Variants in TRMT1L observed in about 807,000 individuals in gnomAD.
TRMT1L encodes tRNA methyltransferase 1L.
A neutral mutation model predicts 81.6 loss-of-function variants in TRMT1L; 28 were observed. That is an observed-to-expected ratio of 0.34 (90% CI 0.25 to 0.47). TRMT1L has a LOEUF of 0.47. TRMT1L is among the 20% of genes least tolerant of loss of function. TRMT1L has a pLI of 1.00. For synonymous variants in TRMT1L, 301 were observed against 303.2 expected (o/e 0.99, Z 0.07); for missense variants, 739 against 877.1 (o/e 0.84, Z 1.99).
At chr1:185,154,262 T>C (rs1002926233) in intron 1 of TRMT1L, among the ~76,000 whole-genome samples, 1 of 152,178 alleles carries the variant, frequency 6.6e-6, no homozygotes, top group African/African-American at 2.4e-5. Flanking sequence ...GGCTCAATCA[T>C]AGCTCACTGC....
intron 12 of TRMT1L, among the ~76,000 whole-genome samples, chr1:185,124,559 C>T (rs1259867362): frequency 7.3e-5 from 11 of 151,702 alleles, no homozygotes; most frequent in Admixed American, 3.3e-4. Flanking sequence ...GTGTGGTGTG[C>T]ATGCTTGTGG....
At position 185,139,435 on chromosome 1, in the gene TRMT1L, T is replaced by C. The variant is rs952402590; in HGVS notation, c.1254A>G (p.Gly418=). 1 of 1,614,162 alleles carries C rather than the reference T, an allele frequency of 6.2e-7. No individual in the cohort carries two copies. Among genetic ancestry groups the C allele is most frequent in the African/African-American group, 1.3e-5 (1 of 75,068 alleles). The change falls in exon 9 of 15, where the codon GGA becomes GGG. Residue 418 remains glycine (G), a synonymous_variant. Coordinates refer to ENST00000367506, the MANE Select transcript of TRMT1L (RefSeq NM_030934.5). ...AATATTCAGTTCGGACAATGTTACA[T>C]CCGTAGTGACGCCGGGCAACATGCT... The part of the protein sequence containing the change: ...KAQHVARRHY[G]CNIVRTEYYK...
intron 2 of TRMT1L, among the ~76,000 whole-genome samples, chr1:185,151,376 A>C (rs1653341493): frequency 6.6e-6 from 1 of 152,210 alleles, no homozygotes. Context: ...AAAACCACGC[A>C]GTCAGCGATC....
Position 185,140,035 on chromosome 1 carries a change from A to G in TRMT1L, c.1047T>C (p.Gly349=), listed in dbSNP as rs1365139028. The G allele has an allele frequency of 6.2e-7, 1 of 1,613,774 alleles. No homozygotes were observed. Among genetic ancestry groups the G allele is most frequent in the Non-Finnish European group, 8.5e-7 (1 of 1,179,818 alleles). ...CATCCATTTTGGTCACCTTAATATT[A>G]CCAAGATTTTTCTCTCCTTCTTCAA... The part of the protein sequence containing the change: ...DILEEGEKNL[G]NIKVTKMDAN... Residue 349 remains glycine, a synonymous_variant, in exon 8 of 15, where the codon GGT becomes GGC. Transcript: ENST00000367506.
chr1:185,127,529 G>A (rs1652659791), intron 11 of TRMT1L, among the ~76,000 whole-genome samples: 1 of 151,928 alleles, frequency 6.6e-6, no homozygotes, highest in Admixed American at 6.6e-5. Flanking sequence ...AGGCCGAGGC[G>A]GGTGGATCAC....
intron 10 of TRMT1L, 89 bp downstream of exon 10, chr1:185,137,517 A>T: frequency 7.5e-7 from 1 of 1,326,914 alleles, no homozygotes; most frequent in African/African-American, 1.4e-5. Context: ...CTTTAAAATC[A>T]AAGGACAACA....
chr1:185,141,278 A>G (rs958516063), intron 7 of TRMT1L, among the ~76,000 whole-genome samples: 2 of 152,232 alleles, frequency 1.3e-5, no homozygotes, highest in African/African-American at 2.4e-5. Flanking sequence ...AAGTTCTGAC[A>G]TCCTCATTTT....
At chr1:185,157,275 T>C (rs1402459963), upstream of TRMT1L, 4 of 152,844 alleles carry the variant, frequency 2.6e-5, no homozygotes, top group African/African-American at 7.2e-5. Flanking sequence ...CTCCTTTGGC[T>C]TGGGGCTCCG....
chr1:185,149,298 C>A (rs902542422), intron 3 of TRMT1L, among the ~76,000 whole-genome samples: 4 of 149,178 alleles, frequency 2.7e-5, no homozygotes, highest in African/African-American at 9.9e-5. Context: ...GATTCTTTTA[C>A]TTCCTCTTTT....
At chr1:185,133,869 A>G (rs1571347120) in intron 10 of TRMT1L, among the ~76,000 whole-genome samples, 2 of 152,154 alleles carry the variant, frequency 1.3e-5, no homozygotes, top group Non-Finnish European at 2.9e-5. Context: ...TTTAAAGCCA[A>G]TAATTTTGGA....
intron 11 of TRMT1L, among the ~76,000 whole-genome samples, chr1:185,126,809 C>T (rs1361131793): frequency 6.6e-6 from 1 of 152,054 alleles, no homozygotes; most frequent in Non-Finnish European, 1.5e-5. Flanking sequence ...CCAGCCTGGC[C>T]AACATGATGA....
At position 185,123,891 on chromosome 1, in the gene TRMT1L, T is replaced by C; in HGVS notation, c.1788A>G (p.Thr596=). Residue 596 remains threonine, a synonymous_variant, in exon 13 of 15, where the codon ACA becomes ACG. Transcript: ENST00000367506. ...QEENGVFIKT[T]DDTTTDNYIA... ...TGTAATTATCTGTTGTGGTGTCATC[T>C]GTAGTTTTAATAAATACACCATTTT... is the stretch of plus-strand genomic sequence containing the variant. The C allele has an allele frequency of 6.6e-7, 1 of 1,513,104 alleles. No homozygotes were observed. The highest frequency in any genetic ancestry group is 8.9e-7 in the Non-Finnish European group (1 of 1,129,838). 93.7% of individuals were successfully genotyped at this position (1,513,104 alleles called of 1,614,324 possible). A position where few individuals can be genotyped will look rare whatever the true frequency, so the allele number is the denominator to read the frequency against.
chr1:185,151,747 C>A lies in TRMT1L; in HGVS notation c.346+78G>T, dbSNP rs1653355755. On this transcript the variant is annotated intron_variant, in intron 2 of 14. Coordinates refer to ENST00000367506, the MANE Select transcript of TRMT1L (RefSeq NM_030934.5). ...GTAAGAATAAACAAGTCTACTCTTA[C>A]CAAACTTATTTTTGTGAATTGAAAG... The A allele has an allele frequency of 3.0e-6, 3 of 991,586 alleles. No individual in the cohort carries two copies. In the South Asian group the frequency reaches 5.5e-5, roughly 18 times the overall value. 61.4% of individuals were successfully genotyped at this position (991,586 alleles called of 1,614,324 possible).
chr1:185,150,802 GA>G (rs1653323740), intron 2 of TRMT1L, among the ~76,000 whole-genome samples: 1 of 152,186 alleles, frequency 6.6e-6, no homozygotes, highest in Admixed American at 6.5e-5. Context: ...CTGCCACTGA[GA>G]GCATCACTCT....
rs564252476 is a variant in TRMT1L at position 185,126,048 on chromosome 1, C to A, written c.1593-938G>T. Among the ~76,000 whole-genome samples, 13 of 152,180 alleles carry A rather than the reference C, an allele frequency of 8.5e-5. 1 individual carries two copies. The South Asian group carries it at 2.5e-3, about 29-fold the overall frequency. On this transcript the variant is annotated intron_variant, in intron 11 of 14. Coordinates refer to ENST00000367506, the MANE Select transcript of TRMT1L (RefSeq NM_030934.5). The stretch of plus-strand genomic sequence containing the variant: ...GGTATAATGGACAAAATATGAAATT[C>A]TGAGTATGATAAACTGGATTCCAAT...
chr1:185,137,456 T>G (rs1652927983), intron 10 of TRMT1L, 150 bp downstream of exon 10: 2 of 800,990 alleles, frequency 2.5e-6, no homozygotes, highest in Non-Finnish European at 4.2e-6. Flanking sequence ...ATGTCTTGTC[T>G]GTTGACGAAA....
rs759114325 is a variant in TRMT1L, at chr1:185,150,455, T to G, written c.384A>C (p.Lys128Asn). 6.8e-6 allele frequency: 11 copies of G among 1,613,608 alleles called. No individual in the cohort carries two copies. Among genetic ancestry groups the G allele is most frequent in the African/African-American group, 1.3e-5 (1 of 75,040 alleles). ...RQACPLCPKE[K>N]FRACNSHKLR... ...GCTTATGGCTATTACAAGCTCTGAA[T>G]TTTTCCTTAGGGCACAATGGACAAG... The change falls in exon 3 of 15, where the codon AAA (lysine) becomes AAC (asparagine). Residue 128 changes from lysine (K) to asparagine (N), a missense_variant. By Grantham distance (94) the Lys-to-Asn change is moderately conservative (BLOSUM62 0). This residue lies in a region of TRMT1L where 209 missense variants were observed against 165.4 expected (regional missense o/e 1.26). Transcript: ENST00000367506.
Position 185,147,840 on chromosome 1 carries a change from T to C in TRMT1L, c.461-594A>G, listed in dbSNP as rs189479510. Among the ~76,000 whole-genome samples, 582 of 152,328 alleles carry C rather than the reference T, an allele frequency of 3.8e-3. 2 individuals are homozygous for C. Among genetic ancestry groups the C allele is most frequent in the African/African-American group, 0.013 (559 of 41,582 alleles). ...CCCAAATTAAAGCTCTAGGTACTAA[T>C]TCATTCCTAAGAGCCAGATTCCTAT... is the stretch of plus-strand genomic sequence containing the variant. On this transcript the variant is annotated intron_variant, in intron 3 of 14. Transcript: ENST00000367506.
intron 4 of TRMT1L, among the ~76,000 whole-genome samples, chr1:185,146,122 G>A (rs920636253): frequency 6.6e-6 from 1 of 152,020 alleles, no homozygotes; most frequent in Admixed American, 6.6e-5. Context: ...TAAAATACAG[G>A]AGAACAATGA....
Sources: gnomAD v4.1 joint callset for allele counts (sites outside exome capture counted in the v4.1 genomes callset) on GRCh38, gnomAD v4.1.1 for gene constraint, gnomAD v4.1.1 regional missense constraint, MANE v1.5 for transcripts, NCBI Gene and HGNC (gene_info 2026-07-23, HGNC 2026-07-21) for gene names.